SCN8A: variants seen among roughly 807,000 people sequenced by gnomAD.
SCN8A encodes sodium voltage-gated channel alpha subunit 8.
In SCN8A, 30 loss-of-function variants were observed where a neutral mutation model predicts 184.1. That is an observed-to-expected ratio of 0.16 (90% confidence interval 0.12 to 0.22). SCN8A has a LOEUF of 0.22. Among genes scored for constraint, SCN8A ranks in the 10% least tolerant of loss-of-function variants. The pLI, the probability that SCN8A is intolerant of heterozygous loss-of-function variation, is 1.00. For missense variants in SCN8A, 1,057 were observed against 2,498.9 expected, an observed-to-expected ratio of 0.42 and a Z score of 12.30; for synonymous variants, 852 against 907.0, an observed-to-expected ratio of 0.94 and a Z score of 1.09.
At position 51,770,466 on chromosome 12, in the gene SCN8A, G is replaced by A. The variant is rs944202153; in HGVS notation, c.3491-63G>A. On this transcript the variant is annotated intron_variant, in intron 18 of 26. Transcript: ENST00000627620. Reference sequence around the variant, plus strand: ...ACCTGGCAGGGCCTGGGAGATGGAGGAGAGGGCAGGTCTGGGCGGGGCACG... The same window carrying A: ...ACCTGGCAGGGCCTGGGAGATGGAGAAGAGGGCAGGTCTGGGCGGGGCACG... 9.4e-6 allele frequency: 14 copies of A among 1,484,956 alleles called. No individual in the cohort carries two copies. The East Asian group carries it at 2.2e-4, about 24-fold the overall frequency. The allele number at this position is 1,484,956 out of a possible 1,614,324, so 92.0% of individuals were successfully genotyped here.
intron 1 of SCN8A, among the ~76,000 whole-genome samples, chr12:51,652,974 A>G (rs578109507): frequency 1.7e-3 from 262 of 152,288 alleles, no homozygotes; most frequent in Non-Finnish European, 3.1e-3. Flanking sequence ...CTCTCTTTTA[A>G]AAAAGATTGT....
intron 1 of SCN8A, among the ~76,000 whole-genome samples, chr12:51,621,909 G>A (rs941724633): frequency 1.5e-4 from 23 of 152,154 alleles, no homozygotes; most frequent in Non-Finnish European, 3.2e-4. Context: ...GTCTGCCTCT[G>A]GTAAGGAAGC....
chr12:51,695,874 G>T (rs1307202829), intron 6 of SCN8A, among the ~76,000 whole-genome samples: 1 of 152,162 alleles, frequency 6.6e-6, no homozygotes, highest in Non-Finnish European at 1.5e-5. Flanking sequence ...CTGAGAGAAG[G>T]TGACCTTGTA....
intron 6 of SCN8A, among the ~76,000 whole-genome samples, chr12:51,695,398 G>A (rs1165136725): frequency 1.3e-5 from 2 of 152,180 alleles, no homozygotes; most frequent in African/African-American, 4.8e-5. Flanking sequence ...TCTGGTTTAT[G>A]GAGAAGAGAT....
intron 1 of SCN8A, among the ~76,000 whole-genome samples, chr12:51,597,302 C>A (rs1043472536): frequency 6.6e-6 from 1 of 152,136 alleles, no homozygotes; most frequent in African/African-American, 2.4e-5. Flanking sequence ...GTCCCAGGAT[C>A]TGGAAGTGGA....
At chr12:51,741,129 T>C (rs1349425172) in intron 12 of SCN8A, among the ~76,000 whole-genome samples, 1 of 152,206 alleles carries the variant, frequency 6.6e-6, no homozygotes, top group Non-Finnish European at 1.5e-5. Flanking sequence ...CTTTACATAT[T>C]TGGGTGTTCC....
At chr12:51,626,234 G>A (rs920918900) in intron 1 of SCN8A, among the ~76,000 whole-genome samples, 5 of 152,162 alleles carry the variant, frequency 3.3e-5, no homozygotes, top group African/African-American at 1.2e-4. Context: ...ATTTAGGGCA[G>A]GTGAAATGTT....
intron 1 of SCN8A, 130 bp from the exon 2 acceptor site, chr12:51,662,634 C>T (rs1940946363): frequency 1.6e-6 from 1 of 612,538 alleles, no homozygotes; most frequent in East Asian, 2.8e-5. Flanking sequence ...GAAAAATAAG[C>T]ATGTCATGGA....
intron 2 of SCN8A, among the ~76,000 whole-genome samples, chr12:51,671,176 A>AT (rs141687080): frequency 0.018 from 2,815 of 152,294 alleles, 77 homozygotes; most frequent in African/African-American, 0.061. Context: ...AAAAGAGCCA[A>AT]TTTTGAGAGC....
chr12:51,773,965 T>C (rs1260891784), intron 19 of SCN8A, among the ~76,000 whole-genome samples: 1 of 152,208 alleles, frequency 6.6e-6, no homozygotes, highest in Non-Finnish European at 1.5e-5. Context: ...CAACTCTGAA[T>C]ATACTAAAAG....
chr12:51,720,693 T>C (rs1292334682), intron 11 of SCN8A, among the ~76,000 whole-genome samples: 1 of 152,134 alleles, frequency 6.6e-6, no homozygotes, highest in Non-Finnish European at 1.5e-5. Context: ...ACTAAAAGGC[T>C]TGAAGGCCAC....
In SCN8A at chr12:51,592,986, A is replaced by G. The variant is rs147979201; in HGVS notation, c.-55+1627A>G. Among the ~76,000 whole-genome samples, 544 of 152,280 alleles carry G rather than the reference A, an allele frequency of 3.6e-3. 1 individual carries two copies. The highest frequency in any genetic ancestry group is 0.012 in the African/African-American group (501 of 41,542). On this transcript the variant is annotated intron_variant, in intron 1 of 26. Transcript: ENST00000627620. The stretch of plus-strand genomic sequence containing the variant: ...AAATTTTTTTTTTGATTTGTGATGC[A>G]AATGGCTGGATAACATTACCACACG...
At position 51,705,539 on chromosome 12, in the gene SCN8A, G is replaced by A; in HGVS notation, c.1257G>A (p.Gln419=). 6.2e-7 allele frequency: 1 copy of A among 1,613,998 alleles called. No homozygotes were observed. The highest frequency in any genetic ancestry group is 8.5e-7 in the Non-Finnish European group (1 of 1,179,906). Residue 419 remains glutamine, a synonymous_variant, in exon 10 of 27, where the codon CAG becomes CAA. Coordinates refer to ENST00000627620, the MANE Select transcript of SCN8A (RefSeq NM_001330260.2). ...VVAMAYEEQN[Q]ATLEEAEQKE... is the part of the protein sequence containing the mutation. Reference sequence around the variant, plus strand: ...CCATGGCTTATGAAGAACAGAATCAGGCAACACTGGAGGAGGCAGAACAAA... The same window carrying A: ...CCATGGCTTATGAAGAACAGAATCAAGCAACACTGGAGGAGGCAGAACAAA...
chr12:51,698,457 GC>G (rs1941631658), intron 6 of SCN8A, among the ~76,000 whole-genome samples: 1 of 152,178 alleles, frequency 6.6e-6, no homozygotes, highest in Non-Finnish European at 1.5e-5. Flanking sequence ...CCTGCCTCTT[GC>G]TCATCCTGGT....
At chr12:51,593,497 T>A (rs1239484611) in intron 1 of SCN8A, among the ~76,000 whole-genome samples, 1 of 152,234 alleles carries the variant, frequency 6.6e-6, no homozygotes, top group Non-Finnish European at 1.5e-5. Flanking sequence ...AGTGGAATAC[T>A]GCATCCTTAA....
rs765763546 is a variant in SCN8A, at chr12:51,721,784, G to A, written c.1874G>A (p.Arg625His). The change falls in exon 12 of 27, where the codon CGC (arginine) becomes CAC (histidine). Residue 625 changes from arginine to histidine, a missense_variant. Coordinates refer to ENST00000627620, the MANE Select transcript of SCN8A (RefSeq NM_001330260.2). The stretch of plus-strand genomic sequence containing the variant: ...TACAGCGGCTACAGCCAGGGCAGCC[G>A]CTCCTCGCGCATCTTCCCCAGCCTG... ...SGYSGYSQGS[R>H]SSRIFPSLRR... The A allele has an allele frequency of 1.1e-5, 18 of 1,610,272 alleles. No homozygotes were observed. Among genetic ancestry groups the A allele is most frequent in the Non-Finnish European group, 1.4e-5 (16 of 1,179,200 alleles).
intron 25 of SCN8A, among the ~76,000 whole-genome samples, chr12:51,793,380 C>T (rs1938320057): frequency 6.6e-6 from 1 of 152,122 alleles, no homozygotes; most frequent in East Asian, 1.9e-4. Flanking sequence ...AGACTTGGCT[C>T]TGCTTTGGAC....
chr12:51,637,552 G>T (rs372362686), intron 1 of SCN8A, among the ~76,000 whole-genome samples: 1 of 152,186 alleles, frequency 6.6e-6, no homozygotes, highest in Admixed American at 6.5e-5. Context: ...ATAGAAGATC[G>T]TACTAGCCAC....
intron 1 of SCN8A, among the ~76,000 whole-genome samples, chr12:51,609,153 C>G (rs548362583): frequency 1.3e-5 from 2 of 152,172 alleles, no homozygotes; most frequent in African/African-American, 2.4e-5. Flanking sequence ...TATGGCCCAT[C>G]ATATGGTCTC....
Sources: gnomAD v4.1 joint callset for allele counts (sites outside exome capture counted in the v4.1 genomes callset) on GRCh38, gnomAD v4.1.1 for gene constraint, MANE v1.5 for transcripts, NCBI Gene and HGNC (gene_info 2026-07-23, HGNC 2026-07-21) for gene names.